BMAL2: variants seen among roughly 807,000 people sequenced by gnomAD.
The protein encoded by BMAL2 is basic helix-loop-helix ARNT-like protein 2.
the BMAL2 span, chr12:27,422,423 A>C: frequency 1.3e-5 from 2 of 152,372 alleles, no homozygotes; most frequent in East Asian, 1.9e-4. Flanking sequence ...CTTCTGTCAG[A>C]CATGTTAATG....
the BMAL2 span, among the ~76,000 whole-genome samples, chr12:27,344,632 C>A: frequency 1.3e-5 from 2 of 152,146 alleles, no homozygotes; most frequent in East Asian, 3.8e-4. Flanking sequence ...TAAATCAGGC[C>A]TACCCAGATT....
At chr12:27,385,564 A>G in the BMAL2 span, 1 of 1,559,546 alleles carries the variant, frequency 6.4e-7, no homozygotes. Flanking sequence ...CCTTAAGGTA[A>G]CTAAAGATAT....
chr12:27,340,589 C>CTT, the BMAL2 span, among the ~76,000 whole-genome samples: 3 of 150,954 alleles, frequency 2.0e-5, no homozygotes, highest in African/African-American at 7.3e-5. Context: ...GCTATTCGGG[C>CTT]TTTTTTTTTG....
At chr12:27,407,325 T>C in the BMAL2 span, among the ~76,000 whole-genome samples, 7 of 152,142 alleles carry the variant, frequency 4.6e-5, no homozygotes, top group East Asian at 5.8e-4. Flanking sequence ...TAATCCAAAA[T>C]TGACCACATA....
At chr12:27,401,718 G>A in the BMAL2 span, 11 of 1,393,804 alleles carry the variant, frequency 7.9e-6, no homozygotes, top group African/African-American at 1.4e-5. Context: ...GATTTCAAAT[G>A]AGTCTCTTTG....
the BMAL2 span, chr12:27,400,505 A>G: frequency 1.3e-6 from 2 of 1,519,028 alleles, no homozygotes; most frequent in East Asian, 2.3e-5. Context: ...TAATGATCCA[A>G]ATGTCCTTTT....
At chr12:27,379,540 AGGAGG>A in the BMAL2 span, among the ~76,000 whole-genome samples, 1 of 152,310 alleles carries the variant, frequency 6.6e-6, no homozygotes, top group African/African-American at 2.4e-5. Context: ...GAGGAGGACC[AGGAGG>A]CAGAGAGGCT....
At chr12:27,386,718 C>T in the BMAL2 span, among the ~76,000 whole-genome samples, 7 of 152,130 alleles carry the variant, frequency 4.6e-5, no homozygotes. Flanking sequence ...CACCCTCCAC[C>T]TCCCGGGCTC....
At chr12:27,401,265 C>T in the BMAL2 span, 17 of 1,613,436 alleles carry the variant, frequency 1.1e-5, no homozygotes, top group Non-Finnish European at 1.4e-5. Flanking sequence ...AGGGCAACAG[C>T]GATTTTAGGA....
the BMAL2 span, chr12:27,403,656 G>A: frequency 9.7e-6 from 5 of 513,864 alleles, no homozygotes; most frequent in South Asian, 4.2e-5. Context: ...TAATATAATG[G>A]AAAATATTAT....
At chr12:27,357,421 T>C in the BMAL2 span, among the ~76,000 whole-genome samples, 2 of 152,172 alleles carry the variant, frequency 1.3e-5, no homozygotes, top group Non-Finnish European at 2.9e-5. Flanking sequence ...GAATCAATAT[T>C]GTGAAAATGA....
At chr12:27,376,512 T>C in the BMAL2 span, 2 of 738,298 alleles carry the variant, frequency 2.7e-6, no homozygotes, top group South Asian at 2.3e-5. Flanking sequence ...TCTCTTGTTA[T>C]GCTCTGAGAA....
the BMAL2 span, among the ~76,000 whole-genome samples, chr12:27,365,294 A>G: frequency 6.6e-6 from 1 of 152,072 alleles, no homozygotes; most frequent in African/African-American, 2.4e-5. Context: ...TTAATTACTA[A>G]TATGAAGGCA....
the BMAL2 span, among the ~76,000 whole-genome samples, chr12:27,375,613 ATTACTTCCAGG>A: frequency 6.6e-6 from 1 of 152,174 alleles, no homozygotes; most frequent in Non-Finnish European, 1.5e-5. Flanking sequence ...ATTAACTGTG[ATTACTTCCAGG>A]TGGCATTATG....
At chr12:27,377,000 CAAAAAAAAAAAAAA>C in the BMAL2 span, among the ~76,000 whole-genome samples, 1 of 91,748 alleles carries the variant, frequency 1.1e-5, no homozygotes, top group East Asian at 4.0e-4. Context: ...AACTCCGTCT[CAAAAAAAAAAAAAA>C]AAAAAAAAAA....
chr12:27,378,786 G>T, the BMAL2 span, among the ~76,000 whole-genome samples: 1 of 152,178 alleles, frequency 6.6e-6, no homozygotes, highest in Non-Finnish European at 1.5e-5. Flanking sequence ...AAAAGGTTTT[G>T]GGGTAATGCA....
At chr12:27,349,625 C>A in the BMAL2 span, among the ~76,000 whole-genome samples, 1 of 152,132 alleles carries the variant, frequency 6.6e-6, no homozygotes, top group East Asian at 1.9e-4. Flanking sequence ...GGATCTTATG[C>A]CTGGCCATAA....
At chr12:27,363,041 G>T in the BMAL2 span, among the ~76,000 whole-genome samples, 1 of 152,074 alleles carries the variant, frequency 6.6e-6, no homozygotes, top group Non-Finnish European at 1.5e-5. Flanking sequence ...CTGGCCTTAC[G>T]TGATCCTCTT....
chr12:27,392,324 C>T, the BMAL2 span, among the ~76,000 whole-genome samples: 2 of 152,138 alleles, frequency 1.3e-5, no homozygotes, highest in African/African-American at 4.8e-5. Flanking sequence ...GGAGCTCTTA[C>T]AAACACTATT....
Sources: allele counts gnomAD v4.1 joint callset (sites outside exome capture counted in the v4.1 genomes callset), GRCh38; gene constraint gnomAD v4.1.1; transcripts MANE v1.5; gene names NCBI Gene and HGNC (gene_info 2026-07-23, HGNC 2026-07-21).